Variants in THADA observed in about 807,000 individuals in gnomAD.
THADA encodes tRNA (32-2'-O)-methyltransferase regulator THADA.
Under a neutral mutation model 219.8 loss-of-function variants are expected in THADA, and 213 were observed. That is an observed-to-expected ratio of 0.97 (90% CI 0.87 to 1.09). The LOEUF (loss-of-function observed/expected upper bound fraction) is 1.09. THADA is among the 50% of genes least tolerant of loss of function. The pLI is 0.00. For synonymous variants in THADA, 1,018 were observed against 828.9 expected, an observed-to-expected ratio of 1.23 and a Z score of -3.92; for missense variants, 2,956 against 2,311.3, an observed-to-expected ratio of 1.28 and a Z score of -5.72.
At chr2:43,488,356 T>C (rs979461151) in intron 25 of THADA, among the ~76,000 whole-genome samples, 3 of 152,180 alleles carry the variant, frequency 2.0e-5, no homozygotes, top group African/African-American at 7.2e-5. Context: ...TCTCCTGCAG[T>C]AGGAAAGCAC....
intron 36 of THADA, among the ~76,000 whole-genome samples, chr2:43,251,032 G>C (rs1033490048): frequency 3.9e-5 from 6 of 152,178 alleles, no homozygotes. Context: ...GCTGGGGTCT[G>C]GGCTCACACA....
intron 36 of THADA, among the ~76,000 whole-genome samples, chr2:43,264,063 C>CA (rs1236329568): frequency 6.6e-6 from 1 of 152,160 alleles, no homozygotes; most frequent in Non-Finnish European, 1.5e-5. Flanking sequence ...TCCATCTAGG[C>CA]AAACCTACCC....
intron 26 of THADA, among the ~76,000 whole-genome samples, chr2:43,431,984 G>A (rs1176857623): frequency 1.6e-5 from 2 of 123,736 alleles, no homozygotes; most frequent in Admixed American, 1.5e-4. Flanking sequence ...AGCCTCCCAA[G>A]TAGCTGGGAC....
intron 36 of THADA, among the ~76,000 whole-genome samples, chr2:43,258,098 C>T (rs570630370): frequency 3.9e-5 from 6 of 152,228 alleles, no homozygotes; most frequent in African/African-American, 9.6e-5. Flanking sequence ...AGAGCCCCAG[C>T]GGCCCACGGA....
At chr2:43,488,231 A>G (rs1237555578) in intron 25 of THADA, among the ~76,000 whole-genome samples, 3 of 152,216 alleles carry the variant, frequency 2.0e-5, no homozygotes, top group Non-Finnish European at 4.4e-5. Context: ...AAAGGATGCT[A>G]TTCAGTGGTT....
chr2:43,297,420 C>G (rs1224813174), intron 31 of THADA, among the ~76,000 whole-genome samples: 3 of 100,398 alleles, frequency 3.0e-5, no homozygotes, highest in Middle Eastern at 4.6e-3. Context: ...CGTCTCCGCC[C>G]GGCAGCCACC....
chr2:43,483,101 A>C (rs1212923678), intron 26 of THADA, among the ~76,000 whole-genome samples: 2 of 152,230 alleles, frequency 1.3e-5, no homozygotes, highest in South Asian at 4.1e-4. Flanking sequence ...CCAAGAACAC[A>C]CATTTCCAAA....
intron 36 of THADA, among the ~76,000 whole-genome samples, chr2:43,233,756 G>A (rs567694140): frequency 4.3e-4 from 65 of 152,220 alleles, no homozygotes; most frequent in African/African-American, 1.5e-3. Flanking sequence ...GGAGGCTCAG[G>A]GGTGTTGTCA....
intron 17 of THADA, among the ~76,000 whole-genome samples, chr2:43,554,404 A>T (rs142352392): frequency 0.013 from 1,910 of 152,274 alleles, 24 homozygotes; most frequent in Middle Eastern, 0.027. Context: ...TAAATATTAG[A>T]TTTGGTAAAA....
intron 36 of THADA, chr2:43,233,122 G>T (rs1440453147): frequency 4.0e-6 from 2 of 498,106 alleles, no homozygotes; most frequent in Non-Finnish European, 7.3e-6. Context: ...AACTCAGTGT[G>T]GACAGAAGCA....
chr2:43,349,018 T>G (rs897372368), intron 29 of THADA, among the ~76,000 whole-genome samples: 2 of 152,004 alleles, frequency 1.3e-5, no homozygotes, highest in Non-Finnish European at 2.9e-5. Flanking sequence ...CCTAAGATGG[T>G]TATGACCCAA....
intron 36 of THADA, among the ~76,000 whole-genome samples, chr2:43,250,878 G>T (rs943647888): frequency 6.6e-6 from 1 of 152,200 alleles, no homozygotes; most frequent in Non-Finnish European, 1.5e-5. Flanking sequence ...GCTTTAAAGG[G>T]ATTGGGCCTC....
At chr2:43,299,301 A>G (rs1675970340) in intron 31 of THADA, among the ~76,000 whole-genome samples, 1 of 152,192 alleles carries the variant, frequency 6.6e-6, no homozygotes, top group Admixed American at 6.5e-5. Flanking sequence ...CTGAGAAAGA[A>G]AAAGATCTGC....
intron 20 of THADA, among the ~76,000 whole-genome samples, chr2:43,542,921 G>A (rs1449710542): frequency 6.6e-6 from 1 of 151,582 alleles, no homozygotes; most frequent in Non-Finnish European, 1.5e-5. Context: ...CAATGTGCAG[G>A]TTAGTTACAT....
At chr2:43,468,501 T>G (rs993290037) in intron 26 of THADA, among the ~76,000 whole-genome samples, 8 of 152,214 alleles carry the variant, frequency 5.3e-5, no homozygotes, top group Non-Finnish European at 1.0e-4. Context: ...AAAGGGTCAG[T>G]AAAGCTTTTA....
chr2:43,505,411 T>C (rs1320957985), intron 24 of THADA, among the ~76,000 whole-genome samples: 1 of 152,146 alleles, frequency 6.6e-6, no homozygotes, highest in Non-Finnish European at 1.5e-5. Flanking sequence ...CAGAAACTTT[T>C]TGTTAAAAAA....
rs1482680004 is a variant in THADA at position 43,552,241 on chromosome 2, G to A, written c.2773C>T (p.His925Tyr). The A allele has an allele frequency of 6.2e-6, 10 of 1,611,470 alleles. No individual in the cohort carries two copies. Among genetic ancestry groups the A allele is most frequent in the South Asian group, 1.1e-5 (1 of 90,276 alleles). Residue 925 changes from histidine (H) to tyrosine (Y), a missense_variant, in exon 18 of 38, where the codon CAC becomes TAC. Coordinates refer to ENST00000405975, the MANE Select transcript of THADA (RefSeq NM_022065.5). ...TTCTGCAAAGCTCCTGTTATACAGT[G>A]GACTCGCCCATACATTGGAAATGCT... Reference protein sequence around the residue: ...AAAFPMYGRVHCITGALQKLS... With the variant: ...AAAFPMYGRVYCITGALQKLS...
chr2:43,592,628 G>A (rs924087650), intron 1 of THADA, among the ~76,000 whole-genome samples: 1 of 152,064 alleles, frequency 6.6e-6, no homozygotes, highest in African/African-American at 2.4e-5. Context: ...AGTGTCCCCT[G>A]GGGAGCAAAA....
intron 25 of THADA, among the ~76,000 whole-genome samples, chr2:43,494,962 T>C (rs963731799): frequency 5.9e-5 from 9 of 152,218 alleles, no homozygotes; most frequent in African/African-American, 1.9e-4. Context: ...TCATTTTACA[T>C]GTGTGTTTTC....
Sources: gnomAD v4.1 joint callset for allele counts (sites outside exome capture counted in the v4.1 genomes callset) on GRCh38, gnomAD v4.1.1 for gene constraint, MANE v1.5 for transcripts, NCBI Gene and HGNC (gene_info 2026-07-23, HGNC 2026-07-21) for gene names.